Variants in DCDC1 observed in about 807,000 individuals in gnomAD.
DCDC1 encodes doublecortin domain-containing protein 1.
In DCDC1, 200 loss-of-function variants were observed where a neutral mutation model predicts 178.3. The ratio of observed to expected loss-of-function variants is 1.12; its 90% CI spans 1.00 to 1.26. DCDC1 has a LOEUF of 1.26. Ranked by LOEUF, DCDC1 falls within the 50% of genes most tolerant of loss-of-function variation. The probability of loss-of-function intolerance (pLI) is 0.00; values close to 1 mark genes in which losing one functional copy is unlikely to be tolerated. For missense variants in DCDC1, 1,983 were observed against 1,749.2 expected (o/e 1.13, Z -2.38); for synonymous variants, 690 against 604.8 (o/e 1.14, Z -2.07).
At chr11:31,209,547 A>G (rs1254924785) in intron 9 of DCDC1, among the ~76,000 whole-genome samples, 3 of 152,238 alleles carry the variant, frequency 2.0e-5, no homozygotes, top group African/African-American at 7.2e-5. Flanking sequence ...ATTAAAGAAT[A>G]AACTCCAGTG....
chr11:30,925,376 G>T lies in DCDC1; in HGVS notation c.2930C>A (p.Ala977Asp). Residue 977 changes from alanine to aspartate, a missense_variant, in exon 23 of 39, where the codon GCT (alanine) becomes GAT (aspartate). By Grantham distance (126) the Ala-to-Asp change is moderately radical. Transcript: ENST00000684477. ...CCCCTTTTCATTGTACAATCTCCGAGCTGCAGAAGGTAAATTTAAAATCTC... is the reference window on the plus strand; with the variant it reads ...CCCCTTTTCATTGTACAATCTCCGATCTGCAGAAGGTAAATTTAAAATCTC... The part of the protein sequence containing the change: ...CTEILNLPSA[A>D]RRLYNEKGKE... 6.2e-7 allele frequency: 1 copy of T among 1,613,698 alleles called. No homozygotes were observed. The highest frequency in any genetic ancestry group is 8.5e-7 in the Non-Finnish European group (1 of 1,179,760).
intron 8 of DCDC1, among the ~76,000 whole-genome samples, chr11:31,246,955 A>C (rs559948022): frequency 6.6e-6 from 1 of 152,070 alleles, no homozygotes; most frequent in Admixed American, 6.6e-5. Flanking sequence ...CTATACTTAG[A>C]GCAATCTTTC....
intron 20 of DCDC1, among the ~76,000 whole-genome samples, chr11:31,037,432 CTTT>C (rs398055131): frequency 5.1e-5 from 3 of 58,904 alleles, no homozygotes; most frequent in Non-Finnish European, 1.1e-4. Context: ...ATATTTCTTT[CTTT>C]TTTTTTTTTT....
intron 22 of DCDC1, among the ~76,000 whole-genome samples, chr11:30,930,956 A>C (rs75653705): frequency 0.021 from 3,126 of 152,198 alleles, 96 homozygotes; most frequent in African/African-American, 0.07. Flanking sequence ...TCCAATCTGA[A>C]TGTTACTCAT....
chr11:31,275,205 A>G (rs1260905597), intron 7 of DCDC1, among the ~76,000 whole-genome samples: 1 of 152,182 alleles, frequency 6.6e-6, no homozygotes, highest in African/African-American at 2.4e-5. Context: ...AGATTCTGAT[A>G]AGCTAGCAAA....
chr11:31,294,813 A>G (rs1050723968), intron 6 of DCDC1, among the ~76,000 whole-genome samples: 28 of 78,886 alleles, frequency 3.5e-4, no homozygotes, highest in Non-Finnish European at 5.9e-4. Flanking sequence ...AAAGAAAGAA[A>G]GAAAGAAAGA....
Position 31,005,952 on chromosome 11 carries a change from G to GAAA in DCDC1, c.2592-53387_2592-53385dup, listed in dbSNP as rs35225668. On this transcript the variant is annotated intron_variant, in intron 20 of 38. Coordinates refer to ENST00000684477, the MANE Select transcript of DCDC1 (RefSeq NM_001387274.1). ...CAACAGGCATATAGCTCTTATTCCT[G>GAAA]AAAAAAAAAAAAAAAAAAAAAAAAA... Among the ~76,000 whole-genome samples the GAAA allele has an allele frequency of 5.9e-4, 28 of 47,810 alleles. 1 individual carries two copies. The highest frequency in any genetic ancestry group is 2.0e-3 in the African/African-American group (25 of 12,756). 31.4% of individuals were successfully genotyped at this position (47,810 alleles called of 152,430 possible).
At chr11:31,251,635 G>A (rs1282769047) in intron 8 of DCDC1, among the ~76,000 whole-genome samples, 1 of 151,730 alleles carries the variant, frequency 6.6e-6, no homozygotes. Flanking sequence ...GAGAGAGAGA[G>A]ACACTATAAA....
intron 20 of DCDC1, among the ~76,000 whole-genome samples, chr11:30,955,537 C>T (rs1004993358): frequency 6.6e-6 from 1 of 152,176 alleles, no homozygotes; most frequent in Non-Finnish European, 1.5e-5. Flanking sequence ...TGAACACAAC[C>T]TCAAACTGGT....
At chr11:31,333,161 T>C (rs1950090234) in intron 2 of DCDC1, among the ~76,000 whole-genome samples, 1 of 152,188 alleles carries the variant, frequency 6.6e-6, no homozygotes, top group South Asian at 2.1e-4. Context: ...CTTTTGATCT[T>C]TGTTGGTTTA....
At chr11:31,311,680 C>T (rs1011310366) in intron 3 of DCDC1, among the ~76,000 whole-genome samples, 8 of 152,088 alleles carry the variant, frequency 5.3e-5, no homozygotes, top group Non-Finnish European at 7.4e-5. Flanking sequence ...TTGTGCTCCT[C>T]GACAATCCTA....
Position 30,996,992 on chromosome 11 carries a change from C to T in DCDC1, c.2592-44424G>A, listed in dbSNP as rs529529506. 3.0e-4 allele frequency among the ~76,000 whole-genome samples: 45 copies of T among 152,188 alleles called. No individual in the cohort carries two copies. The Middle Eastern group carries it at 0.01, about 35-fold the overall frequency. On this transcript the variant is annotated intron_variant, in intron 20 of 38. Coordinates refer to ENST00000684477, the MANE Select transcript of DCDC1 (RefSeq NM_001387274.1). ...TTTGATATATCCATATAGTGGAATG[C>T]TATTTAACAATATAAAGGAATGAGC... is the stretch of plus-strand genomic sequence containing the variant.
At chr11:31,343,779 G>C (rs980955823) in intron 1 of DCDC1, among the ~76,000 whole-genome samples, 1 of 152,090 alleles carries the variant, frequency 6.6e-6, no homozygotes, top group African/African-American at 2.4e-5. Flanking sequence ...AATTAGCTGG[G>C]GGTGGTGGCA....
chr11:31,017,462 TTA>T (rs1475736873), intron 20 of DCDC1, among the ~76,000 whole-genome samples: 3 of 152,130 alleles, frequency 2.0e-5, no homozygotes, highest in East Asian at 3.8e-4. Flanking sequence ...AACATACAAA[TTA>T]TGTGTTAATC....
chr11:30,954,532 G>A (rs529928197), intron 20 of DCDC1, among the ~76,000 whole-genome samples: 3 of 152,224 alleles, frequency 2.0e-5, no homozygotes, highest in South Asian at 4.1e-4. Flanking sequence ...TTAGTCAGTG[G>A]TAATTTAACA....
At chr11:31,294,822 GAA>G in intron 6 of DCDC1, among the ~76,000 whole-genome samples, 1 of 117,470 alleles carries the variant, frequency 8.5e-6, no homozygotes, top group East Asian at 2.9e-4. Context: ...AAGAAAGAAA[GAA>G]AGAAAGAAAG....
chr11:30,922,610 A>G lies in DCDC1; in HGVS notation c.3026T>C (p.Ile1009Thr), dbSNP rs1377172575. Residue 1009 changes from isoleucine to threonine, a missense_variant, in exon 24 of 39, where the codon ATC becomes ACC. Ile to Thr is a moderately conservative substitution (Grantham distance 89). Transcript: ENST00000684477. ...LVYVSCGELW[I>T]NPDLSIAQQK... is the part of the protein sequence containing the mutation. ...CTGAGCAATGGACAGGTCAGGATTG[A>G]TCCAGAGTTCTCCACATGAAACATA... 1 of 1,568,662 alleles carries G rather than the reference A, an allele frequency of 6.4e-7. No homozygotes were observed. The highest frequency in any genetic ancestry group is 2.0e-5 in the Admixed American group (1 of 49,178).
intron 8 of DCDC1, among the ~76,000 whole-genome samples, chr11:31,248,696 A>T (rs1193905185): frequency 6.6e-6 from 1 of 152,138 alleles, no homozygotes; most frequent in Non-Finnish European, 1.5e-5. Context: ...GACAGACTAA[A>T]AAAAGCCCTA....
intron 20 of DCDC1, among the ~76,000 whole-genome samples, chr11:31,003,123 A>AATC (rs1951665042): frequency 1.3e-5 from 2 of 151,332 alleles, no homozygotes; most frequent in African/African-American, 4.8e-5. Context: ...ATTTCCATAT[A>AATC]TAGATTTCCA....
Sources: gnomAD v4.1 joint callset for allele counts (sites outside exome capture counted in the v4.1 genomes callset) on GRCh38, gnomAD v4.1.1 for gene constraint, MANE v1.5 for transcripts, NCBI Gene and HGNC (gene_info 2026-07-23, HGNC 2026-07-21) for gene names.